The following DNAH9 variants were observed in gnomAD, a reference collection of about 807,000 sequenced individuals.
The protein encoded by DNAH9 is DNAH9 variant protein.
DNAH9 carries 345 observed loss-of-function variants against 471.6 expected under a neutral mutation model. The observed-to-expected ratio is 0.73, with a 90% CI of 0.67 to 0.80. The LOEUF (loss-of-function observed/expected upper bound fraction) is 0.80. Among genes scored for constraint, DNAH9 ranks in the 30% least tolerant of loss-of-function variants. The pLI is 0.00. For synonymous variants in DNAH9, 2,093 were observed against 2,123.6 expected, an observed-to-expected ratio of 0.99 and a Z score of 0.40; for missense variants, 5,407 against 5,609.2, an observed-to-expected ratio of 0.96 and a Z score of 1.15.
Position 11,598,873 on chromosome 17 carries a change from G to T in DNAH9, c.375G>T (p.Leu125=), listed in dbSNP as rs747636946. 1.1e-4 allele frequency: 165 copies of T among 1,543,538 alleles called. No homozygotes were observed. The highest frequency in any genetic ancestry group is 4.0e-4 in the East Asian group (16 of 39,728). Residue 125 remains leucine, a synonymous_variant, in exon 1 of 69, where the codon CTG becomes CTT. Transcript: ENST00000262442. ...SFRGAVVCGD[L]PAAPLEHLAA... is the part of the protein sequence containing the mutation. ...GCGGCGCAGTGGTCTGCGGGGACCT[G>T]CCCGCGGCACCTCTGGAGCACCTAG...
At position 11,680,940 on chromosome 17, in the gene DNAH9, A is replaced by G. The variant is rs1203947290; in HGVS notation, c.3743+51A>G. On this transcript the variant is annotated intron_variant, in intron 19 of 68. Coordinates refer to ENST00000262442, the MANE Select transcript of DNAH9 (RefSeq NM_001372.4). ...CTTTCTGTGAACACTGCAGTCTTTG[A>G]GTCATGGATAATCTTTTTGTGGGGC... The G allele has an allele frequency of 2.7e-6, 4 of 1,496,310 alleles. No homozygotes were observed. The East Asian group carries it at 7.2e-5, about 27-fold the overall frequency. 92.7% of individuals were successfully genotyped at this position (1,496,310 alleles called of 1,614,324 possible).
Position 11,826,752 on chromosome 17 carries a change from G to A in DNAH9, c.9246+3718G>A, listed in dbSNP as rs187761805. 4.6e-4 allele frequency among the ~76,000 whole-genome samples: 69 copies of A among 150,676 alleles called. 1 individual carries two copies. Among genetic ancestry groups the A allele is most frequent in the Admixed American group, 2.7e-3 (41 of 15,144 alleles). On this transcript the variant is annotated intron_variant, in intron 48 of 68. Coordinates refer to ENST00000262442, the MANE Select transcript of DNAH9 (RefSeq NM_001372.4). The stretch of plus-strand genomic sequence containing the variant: ...GCTGGGATTACAAGTGTGAGCCACC[G>A]CGCCCAGCCAGTTCTGTATGTTTTC...
chr17:11,867,205 G>A (rs1348656169), intron 50 of DNAH9, among the ~76,000 whole-genome samples: 1 of 152,196 alleles, frequency 6.6e-6, no homozygotes, highest in Non-Finnish European at 1.5e-5. Flanking sequence ...GGCATGTAAA[G>A]ATTCATTTTC....
chr17:11,698,145 T>TACTATATTAATAATATATTATTAATATA (rs544907229), intron 22 of DNAH9, among the ~76,000 whole-genome samples: 2 of 128,248 alleles, frequency 1.6e-5, no homozygotes, highest in African/African-American at 6.6e-5. Flanking sequence ...TATATATTAG[T>TACTATATTAATAATATATTATTAATATA]ATTATATTAT....
chr17:11,638,790 G>T (rs2150682810), intron 9 of DNAH9, among the ~76,000 whole-genome samples: 1 of 152,274 alleles, frequency 6.6e-6, no homozygotes, highest in South Asian at 2.1e-4. Flanking sequence ...GCCTGAGTTT[G>T]CATCTGGAGG....
rs771418052 is a variant in DNAH9 at position 11,617,564 on chromosome 17, G to A, written c.1058G>A (p.Arg353His). Residue 353 changes from arginine (R) to histidine (H), a missense_variant, in exon 5 of 69, where the codon CGC (arginine) becomes CAC (histidine). Physicochemically the swap from Arg to His is conservative, Grantham distance 29. Around this residue, in one of 3 missense-constraint regions of DNAH9, gnomAD observed 767 missense variants for 692.5 expected, o/e 1.11. Transcript: ENST00000262442. ...ATTTGGGCCACATGCAAGTCCTACCGCTCCCCGGGAAGGCTGACTGTGCTG... is the reference window on the plus strand; with the variant it reads ...ATTTGGGCCACATGCAAGTCCTACCACTCCCCGGGAAGGCTGACTGTGCTG... ...CLIWATCKSYRSPGRLTVLLQ... is the reference protein window; with the variant it reads ...CLIWATCKSYHSPGRLTVLLQ... 3.2e-5 allele frequency: 51 copies of A among 1,613,978 alleles called. No homozygotes were observed. Among genetic ancestry groups the A allele is most frequent in the Middle Eastern group, 1.6e-4 (1 of 6,082 alleles).
chr17:11,711,089 C>T (rs1332669676), intron 26 of DNAH9, among the ~76,000 whole-genome samples: 1 of 152,178 alleles, frequency 6.6e-6, no homozygotes, highest in African/African-American at 2.4e-5. Flanking sequence ...AAGATAGACC[C>T]TCTCTTGCCT....
chr17:11,669,085 C>G lies in DNAH9; in HGVS notation c.2753C>G (p.Pro918Arg). 6.2e-7 allele frequency: 1 copy of G among 1,613,146 alleles called. No individual in the cohort carries two copies. The highest frequency in any genetic ancestry group is 8.5e-7 in the Non-Finnish European group (1 of 1,179,428). ...TCAGAGTGTAAGGCAGGACTTACCC[C>G]AATATTTGAAGCACAACTGAGTCTA... ...ENTECKAGLTPIFEAQLSLAI... is the reference protein window; with the variant it reads ...ENTECKAGLTRIFEAQLSLAI... The change falls in exon 16 of 69, where the codon CCA (proline) becomes CGA (arginine). Residue 918 changes from proline to arginine, a missense_variant. By Grantham distance (103) the Pro-to-Arg change is moderately radical. Transcript: ENST00000262442.
intron 28 of DNAH9, among the ~76,000 whole-genome samples, chr17:11,734,677 C>G (rs1224965641): frequency 6.6e-6 from 1 of 152,186 alleles, no homozygotes; most frequent in Admixed American, 6.5e-5. Flanking sequence ...TTCCAGGACC[C>G]AGACTTTGTG....
At chr17:11,738,809 T>TC (rs1175156744) in intron 28 of DNAH9, 71 bp from the exon 29 acceptor site, 3 of 1,384,336 alleles carry the variant, frequency 2.2e-6, no homozygotes, top group Non-Finnish European at 3.1e-6. Context: ...ACTACAGGGT[T>TC]CCAGCTTTAG....
chr17:11,611,508 C>T (rs759046108), intron 3 of DNAH9, 142 bp from the exon 4 acceptor site: 15 of 825,246 alleles, frequency 1.8e-5, no homozygotes, highest in Non-Finnish European at 2.9e-5. Flanking sequence ...AACAGATGTC[C>T]AGGCTCTTTG....
intron 26 of DNAH9, among the ~76,000 whole-genome samples, chr17:11,708,529 G>T (rs1362412593): frequency 1.3e-5 from 2 of 149,864 alleles, no homozygotes; most frequent in East Asian, 3.9e-4. Flanking sequence ...AGTTGGGGGT[G>T]GGGGGCGTGG....
intron 49 of DNAH9, among the ~76,000 whole-genome samples, chr17:11,852,597 G>A (rs1473738993): frequency 6.6e-6 from 1 of 151,852 alleles, no homozygotes; most frequent in Non-Finnish European, 1.5e-5. Flanking sequence ...GATGGAAGGT[G>A]CAAATTCAGT....
intron 40 of DNAH9, 77 bp from the exon 41 acceptor site, chr17:11,784,223 T>G (rs1329472277): frequency 2.5e-6 from 4 of 1,588,262 alleles, no homozygotes; most frequent in Non-Finnish European, 3.4e-6. Flanking sequence ...GAATTTTCTG[T>G]TATCTCCAAA....
chr17:11,647,678 T>C (rs1213535983), intron 12 of DNAH9, among the ~76,000 whole-genome samples: 1 of 152,172 alleles, frequency 6.6e-6, no homozygotes, highest in Non-Finnish European at 1.5e-5. Context: ...ACCAAGTGCA[T>C]ATAAGACTTG....
rs546953545 is a variant in DNAH9, at chr17:11,874,709, G to GAATC, written c.10243-238_10243-235dup. On this transcript the variant is annotated intron_variant, in intron 52 of 68. Coordinates refer to ENST00000262442, the MANE Select transcript of DNAH9 (RefSeq NM_001372.4). ...TTAGGTAAAGATACCGAAAAACAAA[G>GAATC]AATCAGTCACACGAGTTGAATTTCT... 1.1e-3 allele frequency among the ~76,000 whole-genome samples: 168 copies of GAATC among 151,818 alleles called. 4 individuals carry two copies. The South Asian group carries it at 0.014, about 12-fold the overall frequency.
chr17:11,877,154 TATTA>T (rs556617386), intron 53 of DNAH9, among the ~76,000 whole-genome samples: 197 of 151,898 alleles, frequency 1.3e-3, no homozygotes, highest in African/African-American at 4.4e-3. Context: ...AATTTAAATA[TATTA>T]ATTAATAAAT....
At chr17:11,882,885 G>C in intron 55 of DNAH9, 1 of 967,678 alleles carries the variant, frequency 1.0e-6, no homozygotes. Context: ...CTGGTCTTAA[G>C]GCAGGATCAA....
chr17:11,817,835 T>G (rs180890155), intron 45 of DNAH9, among the ~76,000 whole-genome samples: 1 of 152,212 alleles, frequency 6.6e-6, no homozygotes, highest in Non-Finnish European at 1.5e-5. Context: ...ATTAAATAAG[T>G]TGGTACAATT....
Sources: gnomAD v4.1 joint callset for allele counts (sites outside exome capture counted in the v4.1 genomes callset) on GRCh38, gnomAD v4.1.1 for gene constraint, gnomAD v4.1.1 regional missense constraint, MANE v1.5 for transcripts, NCBI Gene and HGNC (gene_info 2026-07-23, HGNC 2026-07-21) for gene names.